The following SNORC variants were observed in gnomAD, a reference collection of about 807,000 sequenced individuals.
SNORC encodes protein SNORC.
Under a neutral mutation model 9.7 loss-of-function variants are expected in SNORC, and 11 were observed. That is an observed-to-expected ratio of 1.14 (90% CI 0.72 to 1.88). SNORC has a LOEUF of 1.88. SNORC is among the 40% of genes most tolerant of loss of function. The pLI is 0.00. For synonymous variants in SNORC, 108 were observed against 88.7 expected (o/e 1.22, Z -1.22); for missense variants, 197 against 173.1 (o/e 1.14, Z -0.77).
At chr2:232,867,203 T>A (rs1417913911), upstream of SNORC, among the ~76,000 whole-genome samples, 1 of 152,256 alleles carries the variant, frequency 6.6e-6, no homozygotes, top group Non-Finnish European at 1.5e-5. Flanking sequence ...GGTGTTTTTG[T>A]TGGGGAATCA....
chr2:232,871,683 G>A (rs769057599), intron 1 of SNORC, among the ~76,000 whole-genome samples: 4 of 152,202 alleles, frequency 2.6e-5, no homozygotes, highest in African/African-American at 9.7e-5. Flanking sequence ...TTCCCAGGAT[G>A]GGGGGAAGGG....
downstream of SNORC, chr2:232,877,782 TA>T (rs1559184840): frequency 6.6e-6 from 1 of 152,272 alleles, no homozygotes; most frequent in Non-Finnish European, 1.5e-5. Context: ...ATTCTGCTTA[TA>T]AAGGAGTGCT....
At chr2:232,877,191 C>T, downstream of SNORC, 1 of 985,574 alleles carries the variant, frequency 1.0e-6, no homozygotes, top group Non-Finnish European at 1.2e-6. Flanking sequence ...TACTCTCACC[C>T]CCAGGCCTGG....
chr2:232,876,835 T>G, downstream of SNORC: 1 of 985,394 alleles, frequency 1.0e-6, no homozygotes, highest in East Asian at 1.1e-4. This position sits in a 1 kb window ranked among gnomAD's most constrained non-coding sequence, Gnocchi z 6.8. Context: ...CCGCCTCCTC[T>G]GCCTGGGCGC....
chr2:232,871,816 C>G (rs1691036179), intron 1 of SNORC, among the ~76,000 whole-genome samples: 1 of 152,214 alleles, frequency 6.6e-6, no homozygotes, highest in Non-Finnish European at 1.5e-5. Flanking sequence ...AGGGGAGGCC[C>G]TGGCTCCTGC....
Position 232,876,040 on chromosome 2 carries a change from C to G in SNORC, c.174C>G (p.Pro58=), listed in dbSNP as rs1332913774. The G allele has an allele frequency of 1.3e-6, 2 of 1,542,828 alleles. No homozygotes were observed. The highest frequency in any genetic ancestry group is 1.7e-6 in the Non-Finnish European group (2 of 1,148,052). ...AGAGCACCAGCCCCGGCCGGGAGCCCGTGGACACCGGTCCCCCAGCCCCCA... is the reference window on the plus strand; with the variant it reads ...AGAGCACCAGCCCCGGCCGGGAGCCGGTGGACACCGGTCCCCCAGCCCCCA... The change falls in exon 2 of 3, where the codon CCC becomes CCG. Residue 58 remains proline (P), a synonymous_variant. Transcript: ENST00000331342. This position sits in a 1 kb window ranked among gnomAD's most constrained non-coding sequence, Gnocchi z 6.8.
downstream of SNORC, chr2:232,876,792 G>C (rs1691270075): frequency 1.0e-6 from 1 of 985,250 alleles, no homozygotes; most frequent in African/African-American, 1.7e-5. The surrounding 1 kb of genome is among the most constrained non-coding windows in gnomAD (Gnocchi z 6.8). Flanking sequence ...GTCACGGTCA[G>C]GGCCACGCCA....
upstream of SNORC, among the ~76,000 whole-genome samples, chr2:232,868,536 G>A (rs997481961): frequency 6.6e-6 from 1 of 152,188 alleles, no homozygotes; most frequent in Non-Finnish European, 1.5e-5. Context: ...ACAAAAAACA[G>A]CCACAACCTA....
chr2:232,872,632 C>T (rs1691072108), intron 1 of SNORC, among the ~76,000 whole-genome samples: 1 of 152,186 alleles, frequency 6.6e-6, no homozygotes, highest in Non-Finnish European at 1.5e-5. Context: ...TCTTTGCCAA[C>T]CTCACTTTCT....
upstream of SNORC, chr2:232,870,139 G>T: frequency 3.3e-6 from 2 of 609,004 alleles, no homozygotes; most frequent in East Asian, 2.8e-5. Context: ...AGGAAAGCAG[G>T]TCTGTTCTGT....
At chr2:232,873,686 G>A (rs529497721) in intron 1 of SNORC, among the ~76,000 whole-genome samples, 1 of 152,370 alleles carries the variant, frequency 6.6e-6, no homozygotes, top group African/African-American at 2.4e-5. Context: ...CCAGGCGGTG[G>A]GCGCACTCAG....
At chr2:232,871,757 C>T (rs1428591914) in intron 1 of SNORC, among the ~76,000 whole-genome samples, 1 of 152,206 alleles carries the variant, frequency 6.6e-6, no homozygotes, top group Non-Finnish European at 1.5e-5. Context: ...TTGCAGCCCC[C>T]TCACTGGGAA....
rs745392448 is a variant in SNORC at position 232,876,055 on chromosome 2, C to A, written c.189C>A (p.Pro63=). The stretch of plus-strand genomic sequence containing the variant: ...GCCGGGAGCCCGTGGACACCGGTCC[C>A]CCAGCCCCCACCGTCGCGCCAGGAC... Residue 63 remains proline, a synonymous_variant, in exon 2 of 3, where the codon CCC becomes CCA. Transcript: ENST00000331342. The surrounding 1 kb of genome is among the most constrained non-coding windows in gnomAD (Gnocchi z 6.8). The A allele has an allele frequency of 2.9e-5, 45 of 1,539,020 alleles. No individual in the cohort carries two copies. In the African/African-American group the frequency reaches 5.6e-4, roughly 19 times the overall value.
intron 1 of SNORC, among the ~76,000 whole-genome samples, chr2:232,873,452 G>A (rs1691105848): frequency 6.6e-6 from 1 of 152,148 alleles, no homozygotes; most frequent in Non-Finnish European, 1.5e-5. Context: ...CCCCTGCTGG[G>A]CTGGCCTGGG....
upstream of SNORC, among the ~76,000 whole-genome samples, chr2:232,867,400 C>G (rs1359453899): frequency 2.0e-5 from 3 of 152,124 alleles, no homozygotes; most frequent in East Asian, 3.8e-4. Context: ...AAGTAGAGTT[C>G]TATACTTGCT....
intron 1 of SNORC, among the ~76,000 whole-genome samples, chr2:232,875,136 T>A (rs934941448): frequency 2.6e-5 from 4 of 152,082 alleles, no homozygotes; most frequent in African/African-American, 9.7e-5. Context: ...GGTCAGGAGT[T>A]CAAAATCAGC....
intron 1 of SNORC, among the ~76,000 whole-genome samples, chr2:232,872,401 C>T (rs1691059971): frequency 6.6e-6 from 1 of 152,190 alleles, no homozygotes; most frequent in Non-Finnish European, 1.5e-5. Flanking sequence ...CGCCTGGCCT[C>T]AGGGCCCTGT....
At chr2:232,875,654 C>G in intron 1 of SNORC, 2 of 531,606 alleles carry the variant, frequency 3.8e-6, no homozygotes, top group East Asian at 3.5e-5. Context: ...CCTGGGTACC[C>G]CAAATCCTGC....
chr2:232,876,400 C>T (rs955580900), downstream of SNORC: 3 of 1,505,286 alleles, frequency 2.0e-6, no homozygotes, highest in Non-Finnish European at 2.6e-6. This position sits in a 1 kb window ranked among gnomAD's most constrained non-coding sequence, Gnocchi z 6.8. Context: ...GACTCGGCTG[C>T]ACTCCTCACG....
Sources: gnomAD v4.1 joint callset for allele counts (sites outside exome capture counted in the v4.1 genomes callset) on GRCh38, gnomAD v4.1.1 for gene constraint, Gnocchi (gnomAD v3.1) non-coding constraint, MANE v1.5 for transcripts, NCBI Gene and HGNC (gene_info 2026-07-23, HGNC 2026-07-21) for gene names.